The following CRACR2A variants were observed in gnomAD, a reference collection of about 807,000 sequenced individuals.
CRACR2A encodes the protein EF-hand calcium-binding domain-containing protein 4B.
Under a neutral mutation model 90.5 loss-of-function variants are expected in CRACR2A, and 79 were observed. The ratio of observed to expected loss-of-function variants is 0.87; its 90% CI spans 0.73 to 1.05. CRACR2A has a LOEUF of 1.05. Ranked by LOEUF, CRACR2A falls within the 50% of genes least tolerant of loss-of-function variation. The pLI, the probability that CRACR2A is intolerant of heterozygous loss-of-function variation, is 0.00. For missense variants in CRACR2A, 823 were observed against 897.2 expected (o/e 0.92, Z 1.06); for synonymous variants, 338 against 356.7 (o/e 0.95, Z 0.59).
rs941357128 is a variant in CRACR2A, at chr12:3,745,780, AAAAAT to A, written c.-387+7230_-387+7234del. On this transcript the variant is annotated intron_variant, in intron 1 of 19. Transcript: ENST00000440314. ...GCAACAAGAACAAAACTTCGTCTCA[AAAAAT>A]AAAATAAAATAAAATAAAATAAAAT... Among the ~76,000 whole-genome samples the A allele has an allele frequency of 3.0e-3, 321 of 106,776 alleles. 3 individuals are homozygous for A. Among genetic ancestry groups the A allele is most frequent in the African/African-American group, 0.012 (307 of 26,440 alleles). The allele number at this position is 106,776 out of a possible 152,430, so 70.0% of individuals were successfully genotyped here.
chr12:3,694,173 C>A (rs1945699073), intron 4 of CRACR2A, among the ~76,000 whole-genome samples: 1 of 152,236 alleles, frequency 6.6e-6, no homozygotes, highest in Admixed American at 6.5e-5. Context: ...GTTAGGAGTG[C>A]ACCAGTCATC....
At chr12:3,651,848 G>C (rs1180065383) in intron 10 of CRACR2A, among the ~76,000 whole-genome samples, 1 of 152,144 alleles carries the variant, frequency 6.6e-6, no homozygotes, top group African/African-American at 2.4e-5. Flanking sequence ...GAATCTTCAT[G>C]TATGAAATGA....
At chr12:3,690,850 G>A (rs1444470556) in intron 4 of CRACR2A, among the ~76,000 whole-genome samples, 1 of 152,140 alleles carries the variant, frequency 6.6e-6, no homozygotes, top group East Asian at 1.9e-4. Flanking sequence ...CTCCTGTGTT[G>A]GGTACATATA....
intron 7 of CRACR2A, among the ~76,000 whole-genome samples, chr12:3,661,631 G>T (rs1275975706): frequency 6.6e-6 from 1 of 152,204 alleles, no homozygotes; most frequent in Non-Finnish European, 1.5e-5. Flanking sequence ...TATTGACCCT[G>T]ATACTTCAGT....
In CRACR2A at chr12:3,654,351, C is replaced by A. The variant is rs780996598; in HGVS notation, c.907G>T (p.Ala303Ser). ...ALHHDKHETK[A>S]ENTKLKLTNQ... ...GTGAGTTTCAGCTTGGTATTCTCAG[C>A]CTTGGTCTCATGCTTGTCATGATGC... is the stretch of plus-strand genomic sequence containing the variant. Residue 303 changes from alanine (A) to serine (S), a missense_variant, in exon 10 of 20, where the codon GCT becomes TCT. By Grantham distance (99) the Ala-to-Ser change is moderately conservative. Coordinates refer to ENST00000440314, the MANE Select transcript of CRACR2A (RefSeq NM_001144958.2). The A allele has an allele frequency of 6.2e-7, 1 of 1,613,626 alleles. No individual in the cohort carries two copies. The highest frequency in any genetic ancestry group is 8.5e-7 in the Non-Finnish European group (1 of 1,179,862).
At chr12:3,684,636 C>A (rs145800841) in intron 4 of CRACR2A, among the ~76,000 whole-genome samples, 20 of 152,298 alleles carry the variant, frequency 1.3e-4, no homozygotes, top group African/African-American at 4.8e-4. Flanking sequence ...TTACATCCTG[C>A]GTGAGTCAGC....
intron 2 of CRACR2A, among the ~76,000 whole-genome samples, chr12:3,724,919 G>A (rs551602945): frequency 2.0e-5 from 3 of 152,182 alleles, no homozygotes; most frequent in African/African-American, 4.8e-5. Context: ...CTAAGGAGGC[G>A]CAGCAAGCAC....
rs566126723 is a variant in CRACR2A at position 3,751,656 on chromosome 12, C to T, written c.-387+1359G>A. Among the ~76,000 whole-genome samples, 10 of 152,254 alleles carry T rather than the reference C, an allele frequency of 6.6e-5. No individual in the cohort carries two copies. In the East Asian group the frequency reaches 9.7e-4, roughly 15 times the overall value. On this transcript the variant is annotated intron_variant, in intron 1 of 19. Transcript: ENST00000440314. ...CAGACCCAGCCTCCTATTCAAGGCC[C>T]GGCCTCAGTGCCACATCCAGGACGC...
chr12:3,723,350 T>C (rs1295783907), intron 2 of CRACR2A, among the ~76,000 whole-genome samples: 4 of 152,172 alleles, frequency 2.6e-5, no homozygotes, highest in South Asian at 2.1e-4. Flanking sequence ...TTTCTCTCCA[T>C]GGTTCAGGTG....
chr12:3,639,950 A>T (rs1417461598), intron 13 of CRACR2A, among the ~76,000 whole-genome samples: 1 of 152,212 alleles, frequency 6.6e-6, no homozygotes, highest in Non-Finnish European at 1.5e-5. Context: ...CTCTGCTTAC[A>T]CACACACAAG....
At chr12:3,685,830 A>G (rs1945542596) in intron 4 of CRACR2A, among the ~76,000 whole-genome samples, 1 of 152,234 alleles carries the variant, frequency 6.6e-6, no homozygotes, top group African/African-American at 2.4e-5. Context: ...GAAGAAAGTG[A>G]ATGTACTTAA....
intron 1 of CRACR2A, among the ~76,000 whole-genome samples, chr12:3,744,631 C>T (rs1295203148): frequency 1.3e-5 from 2 of 152,140 alleles, no homozygotes; most frequent in Non-Finnish European, 2.9e-5. Context: ...AGTACTTAGC[C>T]CACAGGAGGG....
intron 3 of CRACR2A, among the ~76,000 whole-genome samples, chr12:3,699,563 T>A (rs1163377247): frequency 6.6e-6 from 1 of 152,238 alleles, no homozygotes; most frequent in Non-Finnish European, 1.5e-5. Flanking sequence ...CAAGTCACTC[T>A]GGGCCTGAGA....
rs559793158 is a variant in CRACR2A at position 3,724,933 on chromosome 12, T to A, written c.-118+8009A>T. Among the ~76,000 whole-genome samples the A allele has an allele frequency of 5.3e-5, 8 of 152,310 alleles. No homozygotes were observed. The East Asian group carries it at 1.4e-3, about 26-fold the overall frequency. On this transcript the variant is annotated intron_variant, in intron 2 of 19. Transcript: ENST00000440314. ...TCTAAGGAGGCGCAGCAAGCACTAT[T>A]TTCCAAAATAGGACAGGAGAGAATG...
At chr12:3,666,332 T>C (rs997992253) in intron 7 of CRACR2A, among the ~76,000 whole-genome samples, 2 of 114,896 alleles carry the variant, frequency 1.7e-5, no homozygotes, top group Non-Finnish European at 1.8e-5. Flanking sequence ...GACGGCTGCG[T>C]GTGTGTGTGT....
At chr12:3,679,245 G>T in intron 5 of CRACR2A, 147 bp from the exon 6 acceptor site, 1 of 737,950 alleles carries the variant, frequency 1.4e-6, no homozygotes, top group Non-Finnish European at 2.1e-6. Flanking sequence ...CATGGACATG[G>T]GTCCGTGGAC....
At chr12:3,700,460 A>G (rs1945818936) in intron 3 of CRACR2A, among the ~76,000 whole-genome samples, 1 of 152,238 alleles carries the variant, frequency 6.6e-6, no homozygotes, top group South Asian at 2.1e-4. Flanking sequence ...ACCCAACTAT[A>G]TCCTGCCTAC....
At chr12:3,702,683 G>A (rs1245733095) in intron 3 of CRACR2A, among the ~76,000 whole-genome samples, 1 of 152,150 alleles carries the variant, frequency 6.6e-6, no homozygotes, top group Admixed American at 6.5e-5. Context: ...ATGGGATCGA[G>A]AGACTCAATA....
chr12:3,641,747 C>G lies in CRACR2A; in HGVS notation c.1256G>C (p.Arg419Thr), dbSNP rs865893443. ...GATGACTTACCTCCTAAGAATCCCT[C>G]TGCTGTCCACATATTTGCCTATCAC... Reference protein sequence around the residue: ...GSVIGKYVDSRGILRSQSEEE... With the variant: ...GSVIGKYVDSTGILRSQSEEE... The change falls in exon 13 of 20, where the codon AGA becomes ACA. Residue 419 changes from arginine to threonine, a missense_variant. Arg to Thr is a moderately conservative substitution (Grantham distance 71). Coordinates refer to ENST00000440314, the MANE Select transcript of CRACR2A (RefSeq NM_001144958.2). 5 of 1,551,672 alleles carry G rather than the reference C, an allele frequency of 3.2e-6. No individual in the cohort carries two copies. The Middle Eastern group carries it at 6.7e-4, about 207-fold the overall frequency.
Sources: gnomAD v4.1 joint callset for allele counts (sites outside exome capture counted in the v4.1 genomes callset) on GRCh38, gnomAD v4.1.1 for gene constraint, MANE v1.5 for transcripts, NCBI Gene and HGNC (gene_info 2026-07-23, HGNC 2026-07-21) for gene names.